Variants in RIN2 observed in about 807,000 individuals in gnomAD.
RIN2 encodes Ras and Rab interactor 2, also known as RAB5 interacting protein 2.
A neutral mutation model predicts 78.0 loss-of-function variants in RIN2; 36 were observed. That is an observed-to-expected ratio of 0.46 (90% CI 0.35 to 0.61). The LOEUF is 0.61. Ranked by LOEUF, RIN2 falls within the 20% of genes least tolerant of loss-of-function variation. The pLI is 0.00. For synonymous variants in RIN2, 466 were observed against 466.8 expected (o/e 1.00, Z 0.02); for missense variants, 1,087 against 1,159.7 (o/e 0.94, Z 0.91).
chr20:19,869,830 T>TGA lies in RIN2; in HGVS notation c.-36-19736_-36-19735insGA, dbSNP rs1403206152. Among the ~76,000 whole-genome samples, 336 of 151,456 alleles carry TGA rather than the reference T, an allele frequency of 2.2e-3. 2 individuals are homozygous for TGA. Among genetic ancestry groups the TGA allele is most frequent in the African/African-American group, 7.8e-3 (324 of 41,332 alleles). On this transcript the variant is annotated intron_variant, in intron 2 of 12. Transcript: ENST00000255006. ...TTTATTTATTTATTTATTTATTTAT[T>TGA]TATTGTAGAGAAGGGGGTTCGCTAT...
chr20:19,903,260 G>A (rs2039066725), intron 3 of RIN2, among the ~76,000 whole-genome samples: 1 of 152,158 alleles, frequency 6.6e-6, no homozygotes, highest in Non-Finnish European at 1.5e-5. Flanking sequence ...AATAAAGGGA[G>A]CTTGAGGGAT....
rs1375561163 is a variant in RIN2 at position 19,838,578 on chromosome 20, G to A, written c.-37+38831G>A. 2.0e-5 allele frequency among the ~76,000 whole-genome samples: 3 copies of A among 152,138 alleles called. No homozygotes were observed. The East Asian group carries it at 5.8e-4, about 29-fold the overall frequency. On this transcript the variant is annotated intron_variant, in intron 2 of 12. Transcript: ENST00000255006. ...AATGCTGTGTGACCCTGGGAGGATCGTGTGTGGCTGTAGCCACTCCCTTTA... is the reference window on the plus strand; with the variant it reads ...AATGCTGTGTGACCCTGGGAGGATCATGTGTGGCTGTAGCCACTCCCTTTA...
intron 3 of RIN2, among the ~76,000 whole-genome samples, chr20:19,893,468 T>A (rs888333682): frequency 1.3e-5 from 2 of 152,278 alleles, no homozygotes; most frequent in Non-Finnish European, 2.9e-5. Context: ...ATCCTCCCCA[T>A]CCAGTTTGTG....
rs138041718 is a variant in RIN2 at position 19,869,831 on chromosome 20, T to G, written c.-36-19735T>G. 5.5e-3 allele frequency among the ~76,000 whole-genome samples: 831 copies of G among 151,356 alleles called. 6 individuals are homozygous for G. The highest frequency in any genetic ancestry group is 0.019 in the African/African-American group (796 of 41,286). Reference sequence around the variant, plus strand: ...TTATTTATTTATTTATTTATTTATTTATTGTAGAGAAGGGGGTTCGCTATG... The same window carrying G: ...TTATTTATTTATTTATTTATTTATTGATTGTAGAGAAGGGGGTTCGCTATG... On this transcript the variant is annotated intron_variant, in intron 2 of 12. Transcript: ENST00000255006.
intron 2 of RIN2, among the ~76,000 whole-genome samples, chr20:19,839,816 A>G (rs182314112): frequency 2.2e-4 from 33 of 152,308 alleles, no homozygotes; most frequent in African/African-American, 7.5e-4. Flanking sequence ...ATCCAATGGG[A>G]CATTTGAAAT....
At chr20:19,920,539 G>A (rs945915091) in intron 3 of RIN2, among the ~76,000 whole-genome samples, 8 of 152,272 alleles carry the variant, frequency 5.3e-5, no homozygotes, top group African/African-American at 1.7e-4. Flanking sequence ...CGCTGCTTCC[G>A]TAGTTCACAC....
In RIN2 at chr20:19,970,896, G is replaced by T; in HGVS notation, c.595G>T (p.Ala199Ser). ...TGCCATTTCAACAGCCAAGTCGGAGGCTCAGCTTGAAGAACTGGCCCAGAT... is the reference window on the plus strand; with the variant it reads ...TGCCATTTCAACAGCCAAGTCGGAGTCTCAGCTTGAAGAACTGGCCCAGAT... ...PYAISTAKSE[A>S]QLEELAQMGL... is the part of the protein sequence containing the mutation. Residue 199 changes from alanine to serine, a missense_variant, in exon 8 of 13, where the codon GCT becomes TCT. Ala to Ser is a moderately conservative substitution (Grantham distance 99). This residue lies in a region of RIN2 where 706 missense variants were observed against 667.5 expected (regional missense o/e 1.06). Coordinates refer to ENST00000255006, the MANE Select transcript of RIN2 (RefSeq NM_018993.4). 6.2e-7 allele frequency: 1 copy of T among 1,613,454 alleles called. No homozygotes were observed. The highest frequency in any genetic ancestry group is 8.5e-7 in the Non-Finnish European group (1 of 1,179,714).
chr20:19,885,235 C>G (rs1355286757), intron 2 of RIN2, among the ~76,000 whole-genome samples: 1 of 151,998 alleles, frequency 6.6e-6, no homozygotes, highest in Non-Finnish European at 1.5e-5. Flanking sequence ...AAATAGGAAG[C>G]TGGGGTGGGG....
At chr20:19,995,029 C>A (rs914035424) in intron 11 of RIN2, among the ~76,000 whole-genome samples, 1 of 152,080 alleles carries the variant, frequency 6.6e-6, no homozygotes, top group Non-Finnish European at 1.5e-5. Flanking sequence ...TTTTCTTTCT[C>A]GTGTTCATGT....
At position 19,860,830 on chromosome 20, in the gene RIN2, G is replaced by A. The variant is rs185795861; in HGVS notation, c.-36-28736G>A. Among the ~76,000 whole-genome samples the A allele has an allele frequency of 1.5e-3, 232 of 152,246 alleles. 3 individuals carry two copies. The highest frequency in any genetic ancestry group is 5.5e-3 in the African/African-American group (229 of 41,550). ...ATATTCAGAACAGAAACCAAACTCTGATTCACCTTTACATCCCCATAGTTG... is the reference window on the plus strand; with the variant it reads ...ATATTCAGAACAGAAACCAAACTCTAATTCACCTTTACATCCCCATAGTTG... On this transcript the variant is annotated intron_variant, in intron 2 of 12. Transcript: ENST00000255006.
chr20:19,795,521 T>C (rs2035027991), intron 1 of RIN2, among the ~76,000 whole-genome samples: 1 of 152,174 alleles, frequency 6.6e-6, no homozygotes, highest in Non-Finnish European at 1.5e-5. Context: ...AATTGGATTT[T>C]TTATTGCCCT....
chr20:19,864,040 A>G (rs2037424501), intron 2 of RIN2, among the ~76,000 whole-genome samples: 2 of 151,958 alleles, frequency 1.3e-5, no homozygotes, highest in South Asian at 4.2e-4. Context: ...TTTTTTTTTA[A>G]TGTATAAGAC....
At chr20:19,913,158 C>T (rs1787637976) in intron 3 of RIN2, among the ~76,000 whole-genome samples, 1 of 152,080 alleles carries the variant, frequency 6.6e-6, no homozygotes. Context: ...ACTCTTCTAC[C>T]TTGTTTTCTA....
chr20:19,972,202 C>T (rs1041930130), intron 8 of RIN2, among the ~76,000 whole-genome samples: 2 of 152,160 alleles, frequency 1.3e-5, no homozygotes, highest in African/African-American at 4.8e-5. Flanking sequence ...CAACTAAGTT[C>T]TGCATACCTT....
chr20:19,975,486 C>T lies in RIN2; in HGVS notation c.1461C>T (p.Phe487=), dbSNP rs368824899. 88 of 1,614,048 alleles carry T rather than the reference C, an allele frequency of 5.5e-5. No individual in the cohort carries two copies. In the Middle Eastern group the frequency reaches 6.6e-4, roughly 12 times the overall value. The stretch of plus-strand genomic sequence containing the variant: ...CCAAAAAGAAAAGGAGCAGCTCCTT[C>T]GTGCTGCCCAAGCTCGTCAAGTCCC... ...IKSKKKRSSS[F]VLPKLVKSQL... Residue 487 remains phenylalanine, a synonymous_variant, in exon 9 of 13, where the codon TTC becomes TTT. Coordinates refer to ENST00000255006, the MANE Select transcript of RIN2 (RefSeq NM_018993.4). The surrounding 1 kb of genome is among the most constrained non-coding windows in gnomAD (Gnocchi z 4.9).
At chr20:19,782,555 T>TAA (rs781338372) in intron 1 of RIN2, among the ~76,000 whole-genome samples, 101 of 134,940 alleles carry the variant, frequency 7.5e-4, no homozygotes, top group African/African-American at 2.3e-3. Context: ...GACTCTGTCT[T>TAA]AAAAAAAAAA....
chr20:19,773,825 G>C (rs957791889), intron 1 of RIN2, among the ~76,000 whole-genome samples: 5 of 151,178 alleles, frequency 3.3e-5, no homozygotes, highest in Non-Finnish European at 7.4e-5. Flanking sequence ...ACAGTGATCT[G>C]GTTACAATCA....
chr20:19,980,772 C>T (rs1165356176), intron 9 of RIN2, among the ~76,000 whole-genome samples: 3 of 152,194 alleles, frequency 2.0e-5, no homozygotes, highest in Admixed American at 2.0e-4. Flanking sequence ...AGGCCAGCAC[C>T]GCATAGACGC....
chr20:19,767,145 GT>G (rs1489868329), intron 1 of RIN2, among the ~76,000 whole-genome samples: 4 of 152,146 alleles, frequency 2.6e-5, no homozygotes, highest in African/African-American at 9.7e-5. Flanking sequence ...GGGAAATTGT[GT>G]TTATGTTTAG....
Sources: gnomAD v4.1 joint callset for allele counts (sites outside exome capture counted in the v4.1 genomes callset) on GRCh38, gnomAD v4.1.1 for gene constraint, gnomAD v4.1.1 regional missense constraint, Gnocchi (gnomAD v3.1) non-coding constraint, MANE v1.5 for transcripts, NCBI Gene and HGNC (gene_info 2026-07-23, HGNC 2026-07-21) for gene names.